Variants in ZBED6 observed in about 807,000 individuals in gnomAD.
The protein encoded by ZBED6 is zinc finger BED domain-containing protein 6.
A neutral mutation model predicts 58.4 loss-of-function variants in ZBED6; 40 were observed. The observed-to-expected ratio is 0.68, with a 90% CI of 0.53 to 0.89. The LOEUF is 0.89. ZBED6 is among the 40% of genes least tolerant of loss of function. ZBED6 has a pLI of 0.00. For missense variants in ZBED6, 1,057 were observed against 1,003.9 expected, an observed-to-expected ratio of 1.05 and a Z score of -0.71; for synonymous variants, 439 against 350.6, an observed-to-expected ratio of 1.25 and a Z score of -2.82.
chr1:203,795,770 G>A (rs1668178756), exon 1 of ZBED6: 1 of 152,166 alleles, frequency 6.6e-6, no homozygotes, highest in African/African-American at 2.4e-5. Flanking sequence ...TAGTGTCATC[G>A]GTTCGGTAAA....
At chr1:203,837,698 G>A (rs1348351001) in intron 9 of ZBED6, among the ~76,000 whole-genome samples, 5 of 151,962 alleles carry the variant, frequency 3.3e-5, no homozygotes, top group Admixed American at 2.6e-4. Flanking sequence ...GGCTGGTCTC[G>A]AACTCCTGGC....
At chr1:203,824,808 G>A (rs774019503) in intron 3 of ZBED6, among the ~76,000 whole-genome samples, 1 of 152,116 alleles carries the variant, frequency 6.6e-6, no homozygotes, top group African/African-American at 2.4e-5. Flanking sequence ...GGCCGGACAC[G>A]GTGGCTCACG....
At chr1:203,810,976 CAA>C (rs879833403) in intron 1 of ZBED6, among the ~76,000 whole-genome samples, 7 of 111,490 alleles carry the variant, frequency 6.3e-5, no homozygotes, top group Admixed American at 9.0e-5. Flanking sequence ...ACTAAAAATA[CAA>C]AAAAAAAAAA....
rs1370941882 is a variant in ZBED6 at position 203,818,759 on chromosome 1, A to G, written c.*2873+70A>G. ...TGGTGGGCCAATAAAAAATATAGGG[A>G]CAAAAGTGACTTTTAAAAAATATAT... On this transcript the variant is annotated intron_variant, in intron 3 of 16. Transcript: ENST00000550078. The G allele has an allele frequency of 5.0e-6, 8 of 1,605,376 alleles. No individual in the cohort carries two copies. The Admixed American group carries it at 6.8e-5, about 14-fold the overall frequency.
At chr1:203,812,578 ATTT>A (rs386369376) in intron 1 of ZBED6, among the ~76,000 whole-genome samples, 1 of 109,314 alleles carries the variant, frequency 9.1e-6, no homozygotes, top group South Asian at 2.8e-4. Flanking sequence ...GCCATTCTAA[ATTT>A]TTTTTTTTTT....
At chr1:203,844,516 T>C (rs1309645127) in intron 11 of ZBED6, among the ~76,000 whole-genome samples, 1 of 152,254 alleles carries the variant, frequency 6.6e-6, no homozygotes, top group East Asian at 1.9e-4. Context: ...TTTAAAAGTT[T>C]GTGTATTATT....
intron 10 of ZBED6, 54 bp from the exon 11 acceptor site, chr1:203,840,252 G>A (rs13375025): frequency 0.13 from 199,740 of 1,557,296 alleles, 14,337 homozygotes; most frequent in Non-Finnish European, 0.14. Flanking sequence ...CTGTATTTAA[G>A]CTGTAAAAAG....
chr1:203,802,549 T>G (rs1211814856), exon 1 of ZBED6: 1 of 152,366 alleles, frequency 6.6e-6, no homozygotes, highest in Non-Finnish European at 1.5e-5. Context: ...GGGGGAAGGT[T>G]TCTGTTTTTT....
intron 9 of ZBED6, among the ~76,000 whole-genome samples, chr1:203,834,637 T>C (rs1683634598): frequency 6.6e-6 from 1 of 152,118 alleles, no homozygotes; most frequent in Non-Finnish European, 1.5e-5. Context: ...CCCTAACGTG[T>C]CTGACTCCAA....
intron 11 of ZBED6, among the ~76,000 whole-genome samples, chr1:203,845,865 C>CA (rs1687751560): frequency 6.6e-6 from 1 of 151,834 alleles, no homozygotes; most frequent in African/African-American, 2.4e-5. Context: ...AACTCTGTCT[C>CA]AAAAAACAAG....
chr1:203,852,185 C>A (rs778059892), exon 17 of ZBED6: 1 of 1,613,650 alleles, frequency 6.2e-7, no homozygotes. Flanking sequence ...TCCTCACCCC[C>A]GGAGGTGTCT....
intron 1 of ZBED6, among the ~76,000 whole-genome samples, chr1:203,815,848 A>G (rs1423450493): frequency 2.6e-5 from 4 of 152,210 alleles, no homozygotes; most frequent in Non-Finnish European, 5.9e-5. Flanking sequence ...AACCCTTTCC[A>G]TATTCTCGTA....
exon 1 of ZBED6, chr1:203,801,713 A>T (rs1271121618): frequency 6.6e-6 from 1 of 152,492 alleles, no homozygotes; most frequent in African/African-American, 2.4e-5. Flanking sequence ...CCTAGAAATT[A>T]TGTAGTATTT....
At chr1:203,829,306 C>G in intron 4 of ZBED6, 145 bp from the exon 5 acceptor site, 1 of 782,496 alleles carries the variant, frequency 1.3e-6, no homozygotes, top group Non-Finnish European at 2.0e-6. Flanking sequence ...TTTTCCCTCC[C>G]TGGGACTTTA....
At chr1:203,819,095 C>T (rs200294447) in intron 3 of ZBED6, among the ~76,000 whole-genome samples, 4,626 of 65,120 alleles carry the variant, frequency 0.071, 127 homozygotes, top group South Asian at 0.15. Context: ...TATATACACA[C>T]ACACACACAC....
intron 4 of ZBED6, 168 bp from the exon 5 acceptor site, chr1:203,829,283 G>C: frequency 3.0e-6 from 2 of 671,754 alleles, no homozygotes; most frequent in Non-Finnish European, 2.5e-6. Flanking sequence ...AGTTAATTAG[G>C]TAAAAGCACA....
chr1:203,826,063 C>G (rs1680415524), intron 3 of ZBED6, among the ~76,000 whole-genome samples: 2 of 152,004 alleles, frequency 1.3e-5, no homozygotes, highest in South Asian at 4.1e-4. Context: ...CAAAGGTAGG[C>G]TTAGGAACAA....
intron 1 of ZBED6, among the ~76,000 whole-genome samples, chr1:203,808,776 TTCG>T (rs1041316178): frequency 1.3e-5 from 2 of 152,174 alleles, no homozygotes; most frequent in Non-Finnish European, 2.9e-5. Context: ...AGTCTTCATC[TTCG>T]TCGTCGTCAT....
chr1:203,815,030 A>G (rs1006899101), intron 1 of ZBED6: 8 of 151,828 alleles, frequency 5.3e-5, no homozygotes, highest in Admixed American at 1.3e-4. Context: ...GGGTTTCGCC[A>G]TGTTGTCCAG....
Sources: allele counts gnomAD v4.1 joint callset (sites outside exome capture counted in the v4.1 genomes callset), GRCh38; gene constraint gnomAD v4.1.1; transcripts MANE v1.5; gene names NCBI Gene and HGNC (gene_info 2026-07-23, HGNC 2026-07-21).